The following KLHL14 variants were observed in gnomAD, a reference collection of about 807,000 sequenced individuals.
KLHL14 encodes kelch-like protein 14.
In KLHL14, 22 loss-of-function variants were observed where a neutral mutation model predicts 64.3. That is an observed-to-expected ratio of 0.34 (90% CI 0.24 to 0.49). KLHL14 has a LOEUF of 0.49. Ranked by LOEUF, KLHL14 falls within the 20% of genes least tolerant of loss-of-function variation. The pLI, the probability that KLHL14 is intolerant of heterozygous loss-of-function variation, is 0.99. For synonymous variants in KLHL14, 322 were observed against 333.4 expected (o/e 0.97, Z 0.37); for missense variants, 661 against 789.0 (o/e 0.84, Z 1.94).
At chr18:32,684,499 G>C (rs1178751718) in intron 5 of KLHL14, among the ~76,000 whole-genome samples, 1 of 152,046 alleles carries the variant, frequency 6.6e-6, no homozygotes. Flanking sequence ...GTTGACCCAG[G>C]CAACAGTCTA....
At chr18:32,675,250 C>G (rs2049805855) in intron 8 of KLHL14, among the ~76,000 whole-genome samples, 1 of 152,140 alleles carries the variant, frequency 6.6e-6, no homozygotes, top group Non-Finnish European at 1.5e-5. Context: ...GTAGTCCCAG[C>G]TGCTTGGGAG....
At position 32,673,518 on chromosome 18, in the gene KLHL14, T is replaced by C. The variant is rs761727360; in HGVS notation, c.*1139A>G. On this transcript the variant is annotated 3_prime_UTR_variant, in exon 9 of 9. Transcript: ENST00000359358. ...GACAACTAGCAATTGCTCGCTTAACTGAGTTCAGGCATCTCTGGTGATAAC... is the reference window on the plus strand; with the variant it reads ...GACAACTAGCAATTGCTCGCTTAACCGAGTTCAGGCATCTCTGGTGATAAC... 3.9e-5 allele frequency: 6 copies of C among 152,156 alleles called. No individual in the cohort carries two copies. The highest frequency in any genetic ancestry group is 6.5e-5 in the Admixed American group (1 of 15,272). 9.4% of individuals were successfully genotyped at this position (152,156 alleles called of 1,614,324 possible).
intron 2 of KLHL14, among the ~76,000 whole-genome samples, chr18:32,766,427 T>C (rs2050345465): frequency 2.6e-5 from 4 of 152,100 alleles, no homozygotes; most frequent in Admixed American, 1.3e-4. Context: ...TATTGACTTG[T>C]AGAAAGATTA....
chr18:32,684,735 A>C (rs17665358), intron 5 of KLHL14, among the ~76,000 whole-genome samples: 32,478 of 152,166 alleles, frequency 0.21, 3,636 homozygotes, highest in Middle Eastern at 0.29. Flanking sequence ...CACAATGTAA[A>C]ATTAACTAAA....
chr18:32,713,743 A>C (rs538793276), intron 3 of KLHL14, among the ~76,000 whole-genome samples: 1 of 152,188 alleles, frequency 6.6e-6, no homozygotes, highest in Non-Finnish European at 1.5e-5. Flanking sequence ...GTTCATTAAT[A>C]GTTTTTAATA....
rs535758505 is a variant in KLHL14 at position 32,673,773 on chromosome 18, T to C, written c.*884A>G. The C allele has an allele frequency of 2.6e-5, 4 of 152,324 alleles. No homozygotes were observed. The East Asian group carries it at 5.8e-4, about 22-fold the overall frequency. The allele number at this position is 152,324 out of a possible 1,614,324, so 9.4% of individuals were successfully genotyped here. ...AACAATCTCCCATTTTTTTTTATTA[T>C]GGATTAAATTTGGGTCAGACATATC... On this transcript the variant is annotated 3_prime_UTR_variant, in exon 9 of 9. Transcript: ENST00000359358.
chr18:32,738,216 T>C (rs2050176273), intron 3 of KLHL14: 2 of 152,140 alleles, frequency 1.3e-5, no homozygotes, highest in Admixed American at 1.3e-4. Context: ...ATAAAAACTT[T>C]GATATAAAAG....
At chr18:32,750,776 A>T (rs2050247255) in intron 2 of KLHL14, among the ~76,000 whole-genome samples, 1 of 152,130 alleles carries the variant, frequency 6.6e-6, no homozygotes, top group African/African-American at 2.4e-5. Context: ...CATCAGCTGG[A>T]TTCAGCTGGG....
chr18:32,682,212 A>G (rs2049843190), intron 5 of KLHL14, among the ~76,000 whole-genome samples: 1 of 152,234 alleles, frequency 6.6e-6, no homozygotes, highest in African/African-American at 2.4e-5. Context: ...TAATGTATTC[A>G]ACTTTTGATA....
At chr18:32,728,178 C>G (rs1026352100) in intron 3 of KLHL14, among the ~76,000 whole-genome samples, 4 of 152,296 alleles carry the variant, frequency 2.6e-5, no homozygotes, top group South Asian at 2.1e-4. Context: ...GCATAAAATG[C>G]TGAAGTAGCC....
intron 3 of KLHL14, 131 bp downstream of exon 3, chr18:32,741,797 A>G (rs2050199783): frequency 2.6e-6 from 3 of 1,134,650 alleles, no homozygotes; most frequent in African/African-American, 1.6e-5. Flanking sequence ...CCGGTGATAC[A>G]TAAACAAACC....
At position 32,680,482 on chromosome 18, in the gene KLHL14, G is replaced by T. The variant is rs774977284; in HGVS notation, c.1356C>A (p.Arg452=). 6.2e-7 allele frequency: 1 copy of T among 1,613,874 alleles called. No homozygotes were observed. The highest frequency in any genetic ancestry group is 2.2e-5 in the East Asian group (1 of 44,896). The change falls in exon 6 of 9, where the codon CGC becomes CGA. Residue 452 remains arginine (R), a synonymous_variant. Coordinates refer to ENST00000359358, the MANE Select transcript of KLHL14 (RefSeq NM_020805.3). The surrounding 1 kb of genome is among the most constrained non-coding windows in gnomAD (Gnocchi z 4.8). ...GAGGCTGTGGCAAAGAGGACACATAGCGCCATTCATTCGTTTCTAGGTTAT... is the reference window on the plus strand; with the variant it reads ...GAGGCTGTGGCAAAGAGGACACATATCGCCATTCATTCGTTTCTAGGTTAT... ...ECYNLETNEW[R]YVSSLPQPLA... is the part of the protein sequence containing the mutation.
intron 3 of KLHL14, among the ~76,000 whole-genome samples, chr18:32,729,111 G>A (rs2050122174): frequency 6.6e-6 from 1 of 152,168 alleles, no homozygotes; most frequent in African/African-American, 2.4e-5. Context: ...AGGAGAAAAT[G>A]AGAAGCCAAA....
chr18:32,684,037 AT>A (rs1185313475), intron 5 of KLHL14, among the ~76,000 whole-genome samples: 1 of 151,984 alleles, frequency 6.6e-6, no homozygotes, highest in East Asian at 1.9e-4. Flanking sequence ...TTCTTTTTCT[AT>A]TTTTTTAGAT....
rs543036961 is a variant in KLHL14, at chr18:32,693,456, C to T, written c.1159+2007G>A. ...GAGAGAGAGAGAGAGAGAGAGCACT[C>T]CCAGGCCTGTATTAAGGATAAAGGT... is the stretch of plus-strand genomic sequence containing the variant. On this transcript the variant is annotated intron_variant, in intron 4 of 8. Coordinates refer to ENST00000359358, the MANE Select transcript of KLHL14 (RefSeq NM_020805.3). Among the ~76,000 whole-genome samples, 6 of 143,240 alleles carry T rather than the reference C, an allele frequency of 4.2e-5. No individual in the cohort carries two copies. The East Asian group carries it at 1.2e-3, about 28-fold the overall frequency. 94.0% of individuals were successfully genotyped at this position (143,240 alleles called of 152,430 possible).
At position 32,741,944 on chromosome 18, in the gene KLHL14, T is replaced by TGTC; in HGVS notation, c.1050_1052dup (p.Thr351dup). ...TGCACTCACTTGTGAGTATTTTCCA[T>TGTC]GTCTTCTTTTCATCGTCGTAATACT... On this transcript the variant is annotated inframe_insertion, in exon 3 of 9. Transcript: ENST00000359358. The TGTC allele has an allele frequency of 6.2e-7, 1 of 1,606,688 alleles. No individual in the cohort carries two copies. Among genetic ancestry groups the TGTC allele is most frequent in the East Asian group, 2.2e-5 (1 of 44,820 alleles).
rs117461544 is a variant in KLHL14, at chr18:32,753,406, C to T, written c.948-11357G>A. Among the ~76,000 whole-genome samples, 391 of 152,042 alleles carry T rather than the reference C, an allele frequency of 2.6e-3. 2 individuals are homozygous for T. The highest frequency in any genetic ancestry group is 0.02 in the East Asian group (103 of 5,156). On this transcript the variant is annotated intron_variant, in intron 2 of 8. Coordinates refer to ENST00000359358, the MANE Select transcript of KLHL14 (RefSeq NM_020805.3). ...CTTCCCACCCCTTCACTTCTCATCC[C>T]GCCCCTTCACTTCTCATCCCGCCCC... is the stretch of plus-strand genomic sequence containing the variant.
chr18:32,704,479 T>G (rs1488670564), intron 3 of KLHL14, among the ~76,000 whole-genome samples: 1 of 152,122 alleles, frequency 6.6e-6, no homozygotes, highest in Non-Finnish European at 1.5e-5. Context: ...TCCCAGCACT[T>G]TGGGGGGCCG....
intron 1 of KLHL14, chr18:32,772,284 C>A: frequency 2.6e-6 from 1 of 379,662 alleles, no homozygotes; most frequent in East Asian, 1.1e-4. Context: ...CCATCCCGTT[C>A]CAGGTGGACC....
Sources: allele counts gnomAD v4.1 joint callset (sites outside exome capture counted in the v4.1 genomes callset), GRCh38; gene constraint gnomAD v4.1.1; non-coding constraint Gnocchi (gnomAD v3.1); transcripts MANE v1.5; gene names NCBI Gene and HGNC (gene_info 2026-07-23, HGNC 2026-07-21).